Variants in TRAPPC9 observed in about 807,000 individuals in gnomAD.
The protein encoded by TRAPPC9 is IKK2 binding protein.
In TRAPPC9, 83 loss-of-function variants were observed where a neutral mutation model predicts 124.0. The observed-to-expected ratio is 0.67, with a 90% CI of 0.56 to 0.80. The LOEUF is 0.80. Among genes scored for constraint, TRAPPC9 ranks in the 30% least tolerant of loss-of-function variants. The pLI, the probability that TRAPPC9 is intolerant of heterozygous loss-of-function variation, is 0.00. For missense variants in TRAPPC9, 1,302 were observed against 1,508.3 expected, an observed-to-expected ratio of 0.86 and a Z score of 2.27; for synonymous variants, 638 against 617.5, an observed-to-expected ratio of 1.03 and a Z score of -0.49.
rs182414270 is a variant in TRAPPC9, at chr8:139,817,174, G to A, written c.3055+68705C>T. ...ATCAGCCCCATGCCTTGCAGGGGCCGCTGGAGCAGGTTCACAGCGCCCCAT... is the reference window on the plus strand; with the variant it reads ...ATCAGCCCCATGCCTTGCAGGGGCCACTGGAGCAGGTTCACAGCGCCCCAT... On this transcript the variant is annotated intron_variant, in intron 21 of 22. Transcript: ENST00000438773. Among the ~76,000 whole-genome samples, 31 of 152,142 alleles carry A rather than the reference G, an allele frequency of 2.0e-4. No individual in the cohort carries two copies. The East Asian group carries it at 3.7e-3, about 18-fold the overall frequency.
chr8:140,359,054 C>G (rs1173694037), intron 9 of TRAPPC9, among the ~76,000 whole-genome samples: 1 of 152,164 alleles, frequency 6.6e-6, no homozygotes, highest in Non-Finnish European at 1.5e-5. Context: ...AACTGCTGGT[C>G]AGTGAGGGAG....
intron 17 of TRAPPC9, among the ~76,000 whole-genome samples, chr8:140,185,681 C>A (rs1195326718): frequency 6.6e-6 from 1 of 152,192 alleles, no homozygotes; most frequent in Non-Finnish European, 1.5e-5. Flanking sequence ...GGGGAAGCCT[C>A]CACCAGCGAG....
intron 17 of TRAPPC9, among the ~76,000 whole-genome samples, chr8:140,047,909 C>T (rs1270654890): frequency 6.6e-6 from 1 of 152,196 alleles, no homozygotes; most frequent in Non-Finnish European, 1.5e-5. Context: ...GACAAAGGGC[C>T]ACCAGGGGCC....
chr8:140,350,631 G>A (rs1051346508), intron 9 of TRAPPC9, among the ~76,000 whole-genome samples: 1 of 152,128 alleles, frequency 6.6e-6, no homozygotes, highest in Non-Finnish European at 1.5e-5. Flanking sequence ...GGTCACGGTG[G>A]TCTCCTGGAG....
intron 17 of TRAPPC9, among the ~76,000 whole-genome samples, chr8:140,190,871 A>C (rs1480010542): frequency 6.6e-6 from 1 of 152,236 alleles, no homozygotes; most frequent in Non-Finnish European, 1.5e-5. Context: ...AGGGTAAAGC[A>C]AACCTTTGGA....
Position 139,906,713 on chromosome 8 carries a change from T to C in TRAPPC9, c.2964+3434A>G, listed in dbSNP as rs545630539. Among the ~76,000 whole-genome samples, 35 of 152,284 alleles carry C rather than the reference T, an allele frequency of 2.3e-4. No homozygotes were observed. The East Asian group carries it at 6.4e-3, about 28-fold the overall frequency. On this transcript the variant is annotated intron_variant, in intron 20 of 22. Coordinates refer to ENST00000438773, the MANE Select transcript of TRAPPC9 (RefSeq NM_001160372.4). ...GCCGCTCCCTTTGTTCAGGCCCTTGTGGTCCCTCGGCACTTTTTTCCTGGG... is the reference window on the plus strand; with the variant it reads ...GCCGCTCCCTTTGTTCAGGCCCTTGCGGTCCCTCGGCACTTTTTTCCTGGG...
chr8:140,293,374 C>G (rs943758803), intron 11 of TRAPPC9, among the ~76,000 whole-genome samples: 4 of 151,790 alleles, frequency 2.6e-5, no homozygotes, highest in Non-Finnish European at 5.9e-5. Flanking sequence ...GGTATATACC[C>G]AAAGGACTAT....
chr8:139,852,029 G>A (rs1337480503), intron 21 of TRAPPC9, among the ~76,000 whole-genome samples: 6 of 152,170 alleles, frequency 3.9e-5, no homozygotes, highest in African/African-American at 4.8e-5. Flanking sequence ...GAGAGTCCCC[G>A]TGGGAGGTAA....
At chr8:140,096,422 G>A (rs1002687252) in intron 17 of TRAPPC9, 3 of 152,226 alleles carry the variant, frequency 2.0e-5, no homozygotes, top group African/African-American at 7.2e-5. Flanking sequence ...ACTGCAGACA[G>A]AAAAGCTGGA....
intron 16 of TRAPPC9, among the ~76,000 whole-genome samples, chr8:140,233,591 G>T (rs543499620): frequency 3.5e-4 from 28 of 80,188 alleles, no homozygotes; most frequent in Admixed American, 5.7e-4. Context: ...TCTCTCTCTC[G>T]CTCTCTCCCT....
intron 11 of TRAPPC9, among the ~76,000 whole-genome samples, chr8:140,294,522 A>G (rs922710920): frequency 1.8e-4 from 28 of 152,188 alleles, no homozygotes; most frequent in African/African-American, 6.8e-4. Flanking sequence ...CTAGAGTACT[A>G]AAAAAATAAT....
chr8:140,152,789 A>G (rs1408208267), intron 17 of TRAPPC9, among the ~76,000 whole-genome samples: 1 of 152,040 alleles, frequency 6.6e-6, no homozygotes. Context: ...CAAGTCTTGC[A>G]ATTCTTTTTG....
rs774534679 is a variant in TRAPPC9 at position 140,287,708 on chromosome 8, G to T, written c.1881C>A (p.Phe627Leu). 6.2e-7 allele frequency: 1 copy of T among 1,614,126 alleles called. No homozygotes were observed. The highest frequency in any genetic ancestry group is 2.2e-5 in the East Asian group (1 of 44,878). Residue 627 changes from phenylalanine to leucine, a missense_variant, in exon 13 of 23, where the codon TTC becomes TTA. By Grantham distance (22) the Phe-to-Leu change is conservative. Around this residue, in one of 3 missense-constraint regions of TRAPPC9, gnomAD observed 5 missense variants for 17.8 expected, o/e 0.28. Coordinates refer to ENST00000438773, the MANE Select transcript of TRAPPC9 (RefSeq NM_001160372.4). ...GAGAAAGCGCCGCAGGGAGAGACTC[G>T]AACTCCACTCCGCTGGTGAGCAGCC... ...NMGLLTSGVEFESLPAALSLP... is the reference protein window; with the variant it reads ...NMGLLTSGVELESLPAALSLP...
At chr8:139,797,723 C>T (rs772929369) in intron 21 of TRAPPC9, among the ~76,000 whole-genome samples, 28 of 152,216 alleles carry the variant, frequency 1.8e-4, no homozygotes, top group African/African-American at 6.8e-4. Flanking sequence ...ATAAGGATCT[C>T]TGGTTATTCA....
intron 4 of TRAPPC9, among the ~76,000 whole-genome samples, chr8:140,429,683 G>T (rs1012225938): frequency 6.6e-6 from 1 of 152,116 alleles, no homozygotes; most frequent in African/African-American, 2.4e-5. Flanking sequence ...GTGCACACCT[G>T]TAATCCCAGC....
chr8:139,790,536 C>G (rs1285217970), intron 21 of TRAPPC9, among the ~76,000 whole-genome samples: 18 of 152,214 alleles, frequency 1.2e-4, no homozygotes, highest in Admixed American at 9.8e-4. Flanking sequence ...TTGGGGTTCT[C>G]ACCAGGGGTG....
intron 5 of TRAPPC9, among the ~76,000 whole-genome samples, chr8:140,406,140 G>A (rs11166976): frequency 0.28 from 42,238 of 151,886 alleles, 6,817 homozygotes; most frequent in South Asian, 0.43. Context: ...ATAAATGATA[G>A]TATGCTTTCT....
chr8:140,384,909 A>G (rs894466939), intron 7 of TRAPPC9, among the ~76,000 whole-genome samples: 2 of 152,194 alleles, frequency 1.3e-5, no homozygotes, highest in African/African-American at 4.8e-5. Context: ...AATTGACCAC[A>G]TGGTTGGAAA....
intron 21 of TRAPPC9, among the ~76,000 whole-genome samples, chr8:139,791,382 A>G (rs1822660926): frequency 6.8e-6 from 1 of 146,760 alleles, no homozygotes; most frequent in Non-Finnish European, 1.5e-5. Flanking sequence ...ACACTCACAC[A>G]GGTACCCGTC....
Sources: allele counts gnomAD v4.1 joint callset (sites outside exome capture counted in the v4.1 genomes callset), GRCh38; gene constraint gnomAD v4.1.1; regional missense constraint gnomAD v4.1.1; transcripts MANE v1.5; gene names NCBI Gene and HGNC (gene_info 2026-07-23, HGNC 2026-07-21).